RBFOX1: variants seen among roughly 807,000 people sequenced by gnomAD.
The protein encoded by RBFOX1 is RNA binding fox-1 homolog 1.
In RBFOX1, 8 loss-of-function variants were observed where a neutral mutation model predicts 57.7. That is an observed-to-expected ratio of 0.14 (90% CI 0.08 to 0.25). The LOEUF (loss-of-function observed/expected upper bound fraction) is 0.25. RBFOX1 is among the 10% of genes least tolerant of loss of function. RBFOX1 has a pLI of 1.00. For synonymous variants in RBFOX1, 326 were observed against 222.4 expected (o/e 1.47, Z -4.15); for missense variants, 611 against 548.5 (o/e 1.11, Z -1.14).
At chr16:6,758,207 T>C (rs967970894) in intron 3 of RBFOX1, among the ~76,000 whole-genome samples, 12 of 152,088 alleles carry the variant, frequency 7.9e-5, no homozygotes, top group African/African-American at 2.9e-4. Flanking sequence ...CCAAGATAAC[T>C]TGGCATTGTT....
chr16:5,865,708 C>G (rs1055599465), intron 3 of RBFOX1, among the ~76,000 whole-genome samples: 1 of 152,210 alleles, frequency 6.6e-6, no homozygotes, highest in African/African-American at 2.4e-5. Context: ...TGGTCTGTGT[C>G]TTAGCCTGGG....
At chr16:6,997,414 G>A (rs1041983113) in intron 3 of RBFOX1, among the ~76,000 whole-genome samples, 7 of 152,126 alleles carry the variant, frequency 4.6e-5, no homozygotes, top group African/African-American at 1.7e-4. Context: ...AGAGGGAAAC[G>A]GCTGCTTGAT....
chr16:7,623,695 T>C (rs2059654487), intron 10 of RBFOX1, among the ~76,000 whole-genome samples: 1 of 152,170 alleles, frequency 6.6e-6, no homozygotes, highest in Non-Finnish European at 1.5e-5. Context: ...GAACCCTGGC[T>C]TAAACAACAG....
chr16:6,049,955 C>CCT (rs1567333986), intron 1 of RBFOX1, among the ~76,000 whole-genome samples: 1 of 125,072 alleles, frequency 8.0e-6, no homozygotes, highest in Non-Finnish European at 1.8e-5. Context: ...AAGCTTAAAA[C>CCT]GTTTTTTTTT....
intron 6 of RBFOX1, among the ~76,000 whole-genome samples, chr16:7,580,753 C>G (rs1385078749): frequency 6.6e-6 from 1 of 152,122 alleles, no homozygotes; most frequent in Non-Finnish European, 1.5e-5. Flanking sequence ...AGTGTTCCAC[C>G]AAAGGACAAA....
In RBFOX1 at chr16:6,372,373, AGGATCTTTGGGTAGGAGGATGGTTGGGTG is replaced by A. The variant is rs1189489608; in HGVS notation, c.-64+55318_-64+55346del. Among the ~76,000 whole-genome samples the A allele has an allele frequency of 1.3e-4, 20 of 149,990 alleles. 1 individual carries two copies. The East Asian group carries it at 1.4e-3, about 10-fold the overall frequency. On this transcript the variant is annotated intron_variant, in intron 2 of 15. Coordinates refer to ENST00000550418, the MANE Select transcript of RBFOX1 (RefSeq NM_018723.4). ...TAGTCGGATGGAAGGATGGTTGGTT[AGGATCTTTGGGTAGGAGGATGGTTGGGTG>A]GAATGGAGAATTGGTGGAAGAGTAT...
At chr16:6,585,953 T>C (rs2097607167) in intron 2 of RBFOX1, among the ~76,000 whole-genome samples, 1 of 152,208 alleles carries the variant, frequency 6.6e-6, no homozygotes, top group Non-Finnish European at 1.5e-5. Context: ...TCCAGATACC[T>C]TTAAACAACA....
intron 4 of RBFOX1, among the ~76,000 whole-genome samples, chr16:7,485,967 G>A (rs1293173742): frequency 6.6e-6 from 1 of 152,178 alleles, no homozygotes; most frequent in African/African-American, 2.4e-5. Context: ...AAGTTGAGTT[G>A]TGTCAACAGA....
intron 4 of RBFOX1, among the ~76,000 whole-genome samples, chr16:7,464,222 C>T (rs563341951): frequency 3.9e-5 from 6 of 152,260 alleles, no homozygotes; most frequent in African/African-American, 1.4e-4. Context: ...GTGTGTGCAC[C>T]TGTGCACCTA....
chr16:5,396,239 T>C (rs1332072063), intron 1 of RBFOX1, among the ~76,000 whole-genome samples: 1 of 152,206 alleles, frequency 6.6e-6, no homozygotes, highest in Non-Finnish European at 1.5e-5. Flanking sequence ...TACCAAGGTA[T>C]AAATGCACGA....
chr16:6,633,456 A>C (rs1188467981), intron 2 of RBFOX1, among the ~76,000 whole-genome samples: 1 of 151,692 alleles, frequency 6.6e-6, no homozygotes, highest in Non-Finnish European at 1.5e-5. Context: ...TTTTGCATTT[A>C]TTATTATTAT....
chr16:6,847,571 C>A (rs969936271), intron 3 of RBFOX1, among the ~76,000 whole-genome samples: 2 of 151,874 alleles, frequency 1.3e-5, no homozygotes, highest in Admixed American at 6.6e-5. Flanking sequence ...GGTCCATGGT[C>A]AGTCGCTGAA....
In RBFOX1 at chr16:7,141,751, C is replaced by T. The variant is rs533398546; in HGVS notation, c.27+89653C>T. 3.3e-5 allele frequency among the ~76,000 whole-genome samples: 5 copies of T among 152,100 alleles called. No individual in the cohort carries two copies. The South Asian group carries it at 1.0e-3, about 32-fold the overall frequency. ...ATCCTATCCACCAGTAAGTTCTAAT[C>T]CATCTTTCCTACTCTGTCCCTGCTG... On this transcript the variant is annotated intron_variant, in intron 4 of 15. Transcript: ENST00000550418.
chr16:5,532,625 A>G (rs1230831899), intron 2 of RBFOX1, among the ~76,000 whole-genome samples: 1 of 152,230 alleles, frequency 6.6e-6, no homozygotes, highest in African/African-American at 2.4e-5. Context: ...ATTGTGGCAA[A>G]GATAGAGGTT....
intron 1 of RBFOX1, among the ~76,000 whole-genome samples, chr16:5,444,776 A>G (rs1272201789): frequency 6.6e-6 from 1 of 152,224 alleles, no homozygotes; most frequent in African/African-American, 2.4e-5. Context: ...ACCTCACTTC[A>G]TCTAACAATG....
At chr16:7,049,192 C>T (rs2049080355) in intron 3 of RBFOX1, among the ~76,000 whole-genome samples, 2 of 152,120 alleles carry the variant, frequency 1.3e-5, no homozygotes, top group African/African-American at 4.8e-5. Context: ...ACCCAGAAAG[C>T]TGGTGGTTTT....
chr16:7,142,447 C>T (rs552506172), intron 4 of RBFOX1, among the ~76,000 whole-genome samples: 5 of 152,236 alleles, frequency 3.3e-5, no homozygotes, highest in South Asian at 4.2e-4. Context: ...GTACCGCAGG[C>T]GACTCTGGCT....
intron 3 of RBFOX1, among the ~76,000 whole-genome samples, chr16:6,757,228 A>G (rs1272415807): frequency 6.6e-6 from 1 of 152,104 alleles, no homozygotes. Flanking sequence ...AATAGGGAAA[A>G]CAATACAGAG....
chr16:7,040,623 T>G (rs1597758206), intron 3 of RBFOX1, among the ~76,000 whole-genome samples: 1 of 152,338 alleles, frequency 6.6e-6, no homozygotes, highest in African/African-American at 2.4e-5. Context: ...CTGAAGTTTG[T>G]TGTTTATCAT....
Sources: gnomAD v4.1 joint callset for allele counts (sites outside exome capture counted in the v4.1 genomes callset) on GRCh38, gnomAD v4.1.1 for gene constraint, MANE v1.5 for transcripts, NCBI Gene and HGNC (gene_info 2026-07-23, HGNC 2026-07-21) for gene names.